The following TMTC2 variants were observed in gnomAD, a reference collection of about 807,000 sequenced individuals.
The protein encoded by TMTC2 is protein O-mannosyl-transferase TMTC2.
A neutral mutation model predicts 82.4 loss-of-function variants in TMTC2; 43 were observed. The observed-to-expected ratio is 0.52, with a 90% confidence interval of 0.41 to 0.67. TMTC2 has a LOEUF of 0.67. Ranked by LOEUF, TMTC2 falls within the 30% of genes least tolerant of loss-of-function variation. The pLI is 0.00. For missense variants in TMTC2, 919 were observed against 1,012.4 expected (o/e 0.91, Z 1.25); for synonymous variants, 408 against 381.9 (o/e 1.07, Z -0.80).
chr12:82,884,759 T>C (rs1435405162), intron 2 of TMTC2, among the ~76,000 whole-genome samples: 3 of 152,248 alleles, frequency 2.0e-5, no homozygotes, highest in Non-Finnish European at 4.4e-5. Flanking sequence ...AGCTGATACA[T>C]TATTATATCA....
chr12:82,806,123 G>A (rs1343744716), intron 1 of TMTC2, among the ~76,000 whole-genome samples: 4 of 152,072 alleles, frequency 2.6e-5, no homozygotes, highest in Non-Finnish European at 5.9e-5. Flanking sequence ...GGGAGGAATT[G>A]GAAGGAAATC....
chr12:83,126,985 G>A (rs1250139198), intron 11 of TMTC2, among the ~76,000 whole-genome samples: 1 of 152,090 alleles, frequency 6.6e-6, no homozygotes, highest in African/African-American at 2.4e-5. Flanking sequence ...TGGTACAGTT[G>A]CTGCTTCAGT....
intron 4 of TMTC2, among the ~76,000 whole-genome samples, chr12:82,943,136 C>T (rs975523375): frequency 3.9e-5 from 6 of 152,044 alleles, no homozygotes; most frequent in African/African-American, 7.2e-5. Flanking sequence ...TAAGAGATTT[C>T]GTTCATTATA....
intron 4 of TMTC2, among the ~76,000 whole-genome samples, chr12:82,939,203 C>G (rs1876570631): frequency 6.6e-6 from 1 of 151,912 alleles, no homozygotes; most frequent in Admixed American, 6.6e-5. Flanking sequence ...GTTTATATTT[C>G]TTGTCTAATT....
At position 82,980,538 on chromosome 12, in the gene TMTC2, A is replaced by G. The variant is rs566557570; in HGVS notation, c.1949-5387A>G. On this transcript the variant is annotated intron_variant, in intron 7 of 11. Transcript: ENST00000321196. ...ACTGGCAATGAGATGCTTTCAGTGT[A>G]TTAGGGGCTGGAAGCCTGCAAGAAA... 1.2e-4 allele frequency among the ~76,000 whole-genome samples: 18 copies of G among 151,900 alleles called. No individual in the cohort carries two copies. In the East Asian group the frequency reaches 2.1e-3, roughly 18 times the overall value.
chr12:82,986,877 G>A (rs1184819631), intron 8 of TMTC2, among the ~76,000 whole-genome samples: 1 of 152,050 alleles, frequency 6.6e-6, no homozygotes, highest in African/African-American at 2.4e-5. Flanking sequence ...AGTTTTCTGA[G>A]CTCACATAGA....
chr12:82,690,871 T>C (rs745650597), intron 1 of TMTC2, among the ~76,000 whole-genome samples: 1 of 152,192 alleles, frequency 6.6e-6, no homozygotes, highest in African/African-American at 2.4e-5. Context: ...GTGGTAAAAC[T>C]TCTCTGACCC....
intron 2 of TMTC2, among the ~76,000 whole-genome samples, chr12:82,894,774 G>A (rs937673872): frequency 6.6e-6 from 1 of 151,954 alleles, no homozygotes; most frequent in Non-Finnish European, 1.5e-5. Context: ...CTTGAAATAA[G>A]TTAGTTCATT....
intron 8 of TMTC2, among the ~76,000 whole-genome samples, chr12:83,009,234 C>G (rs2137382783): frequency 6.6e-6 from 1 of 152,286 alleles, no homozygotes; most frequent in South Asian, 2.1e-4. Flanking sequence ...GATGAGTCTT[C>G]TACTTCCCCT....
chr12:82,772,552 T>C (rs912622839), intron 1 of TMTC2, among the ~76,000 whole-genome samples: 5 of 152,318 alleles, frequency 3.3e-5, no homozygotes, highest in African/African-American at 4.8e-5. Flanking sequence ...TTTCCATCAT[T>C]GCAGAAAGTT....
intron 2 of TMTC2, among the ~76,000 whole-genome samples, chr12:82,890,416 T>G (rs1177418983): frequency 2.0e-5 from 3 of 152,178 alleles, no homozygotes; most frequent in African/African-American, 7.2e-5. Context: ...ATACTCTTAT[T>G]GTACTAAGAA....
At chr12:82,991,198 C>T (rs890881890) in intron 8 of TMTC2, among the ~76,000 whole-genome samples, 8 of 151,940 alleles carry the variant, frequency 5.3e-5, no homozygotes, top group Admixed American at 1.3e-4. Context: ...TCTGAACTGC[C>T]ATTAATTTTC....
intron 1 of TMTC2, among the ~76,000 whole-genome samples, chr12:82,843,070 C>G (rs1870428722): frequency 6.6e-6 from 1 of 152,082 alleles, no homozygotes; most frequent in African/African-American, 2.4e-5. Flanking sequence ...GTATGTGCAG[C>G]TCTGATCTTT....
intron 1 of TMTC2, among the ~76,000 whole-genome samples, chr12:82,835,169 C>T (rs1869966455): frequency 6.6e-6 from 1 of 152,150 alleles, no homozygotes; most frequent in Admixed American, 6.5e-5. Flanking sequence ...GGCCTATTGT[C>T]ATCATTTTAA....
At chr12:82,784,880 C>G (rs1463343381) in intron 1 of TMTC2, among the ~76,000 whole-genome samples, 1 of 151,606 alleles carries the variant, frequency 6.6e-6, no homozygotes, top group African/African-American at 2.4e-5. Context: ...GCGTGTGTGT[C>G]TTTTTTTTGT....
At chr12:82,997,206 C>CCTCTCTCTCT (rs202229293) in intron 8 of TMTC2, among the ~76,000 whole-genome samples, 1 of 117,838 alleles carries the variant, frequency 8.5e-6, no homozygotes, top group African/African-American at 3.6e-5. Context: ...TCCCCCTCTC[C>CCTCTCTCTCT]CTCTCTCTCT....
Position 83,049,108 on chromosome 12 carries a change from A to G in TMTC2, c.2153-1796A>G, listed in dbSNP as rs992002808. 5.9e-5 allele frequency among the ~76,000 whole-genome samples: 9 copies of G among 152,222 alleles called. No homozygotes were observed. In the East Asian group the frequency reaches 1.5e-3, roughly 26 times the overall value. On this transcript the variant is annotated intron_variant, in intron 9 of 11. Transcript: ENST00000321196. The stretch of plus-strand genomic sequence containing the variant: ...GCTCTTTGGCCACCAGAGAGCATTT[A>G]GCATTTTTATTTTTTTTGTTTTTAT...
intron 11 of TMTC2, among the ~76,000 whole-genome samples, chr12:83,120,949 G>A (rs532879068): frequency 1.3e-5 from 2 of 152,236 alleles, no homozygotes; most frequent in South Asian, 2.1e-4. Flanking sequence ...TTCTATTGCT[G>A]AGACTTTCCA....
At chr12:82,823,409 AATTT>A (rs1465079108) in intron 1 of TMTC2, among the ~76,000 whole-genome samples, 11 of 152,074 alleles carry the variant, frequency 7.2e-5, no homozygotes, top group African/African-American at 2.7e-4. Context: ...AAATATATTT[AATTT>A]GTTTCTTTCA....
Sources: gnomAD v4.1 joint callset for allele counts (sites outside exome capture counted in the v4.1 genomes callset) on GRCh38, gnomAD v4.1.1 for gene constraint, MANE v1.5 for transcripts, NCBI Gene and HGNC (gene_info 2026-07-23, HGNC 2026-07-21) for gene names.